The following VRK3 variants were observed in gnomAD, a reference collection of about 807,000 sequenced individuals.
VRK3 encodes the protein VRK serine/threonine kinase 3.
In VRK3, 50 loss-of-function variants were observed where a neutral mutation model predicts 60.4. That is an observed-to-expected ratio of 0.83 (90% CI 0.66 to 1.05). The LOEUF is 1.05. Among genes scored for constraint, VRK3 ranks in the 50% least tolerant of loss-of-function variants. The probability of loss-of-function intolerance (pLI) is 0.00; values close to 1 mark genes in which losing one functional copy is unlikely to be tolerated. For synonymous variants in VRK3, 246 were observed against 227.8 expected (o/e 1.08, Z -0.72); for missense variants, 549 against 585.3 (o/e 0.94, Z 0.64).
rs776843642 is a variant in VRK3, at chr19:49,982,084, G to A, written c.1218-1071C>T. ...ACGGAGATATCTGGGTCAACCACAC[G>A]GAGGAACTGGGAGGAGGTGGAAAAC... On this transcript the variant is annotated intron_variant, in intron 12 of 14. Transcript: ENST00000316763. The A allele has an allele frequency of 5.7e-5, 40 of 701,728 alleles. 2 individuals carry two copies. Among genetic ancestry groups the A allele is most frequent in the South Asian group, 4.6e-4 (31 of 67,482 alleles). The allele number at this position is 701,728 out of a possible 1,614,324, so 43.5% of individuals were successfully genotyped here. A position where few individuals can be genotyped will look rare whatever the true frequency, so the allele number is the denominator to read the frequency against.
At chr19:49,989,127 G>A (rs1380644483) in intron 11 of VRK3, among the ~76,000 whole-genome samples, 2 of 152,166 alleles carry the variant, frequency 1.3e-5, no homozygotes, top group Admixed American at 6.5e-5. Context: ...CTGATGGGAG[G>A]ATGTGGCAGG....
chr19:50,006,211 G>A (rs2076888077), intron 5 of VRK3, among the ~76,000 whole-genome samples: 1 of 151,796 alleles, frequency 6.6e-6, no homozygotes, highest in African/African-American at 2.4e-5. Context: ...TTGAGAGGCT[G>A]AGGCAGGAGA....
At chr19:49,990,853 T>C (rs1004258371) in intron 10 of VRK3, among the ~76,000 whole-genome samples, 22 of 151,960 alleles carry the variant, frequency 1.4e-4, no homozygotes, top group African/African-American at 5.3e-4. Context: ...GGTATGATCA[T>C]GGCTCACTGC....
Position 50,007,625 on chromosome 19 carries a change from C to T in VRK3, c.491G>A (p.Arg164Gln), listed in dbSNP as rs200770678. 2.0e-4 allele frequency: 322 copies of T among 1,614,098 alleles called. No homozygotes were observed. The highest frequency in any genetic ancestry group is 2.6e-4 in the Non-Finnish European group (304 of 1,180,052). ...CTGGAAGGACTTCAGCTTCCACTGT[C>T]GCCCACTCTTGTCTGTCAGCACTGT... The part of the protein sequence containing the change: ...TGTVLTDKSG[R>Q]QWKLKSFQTR... Residue 164 changes from arginine to glutamine, a missense_variant, in exon 5 of 15, where the codon CGA (arginine) becomes CAA (glutamine). Physicochemically the swap from Arg to Gln is conservative, Grantham distance 43 (BLOSUM62 1). Transcript: ENST00000316763.
In VRK3 at chr19:49,994,658, C is replaced by T. The variant is rs115385626; in HGVS notation, c.870+156G>A. On this transcript the variant is annotated intron_variant, in intron 9 of 14. Coordinates refer to ENST00000316763, the MANE Select transcript of VRK3 (RefSeq NM_016440.4). Reference sequence around the variant, plus strand: ...CCACAGGACTGACCACCCATCATCTCGGCTCTAACCGCCTGCCATGGCAGT... The same window carrying T: ...CCACAGGACTGACCACCCATCATCTTGGCTCTAACCGCCTGCCATGGCAGT... Among the ~76,000 whole-genome samples the T allele has an allele frequency of 6.0e-4, 91 of 152,226 alleles. 1 individual carries two copies. Among genetic ancestry groups the T allele is most frequent in the Non-Finnish European group, 1.0e-3 (71 of 68,034 alleles).
At chr19:49,994,556 A>C (rs942402212) in intron 9 of VRK3, among the ~76,000 whole-genome samples, 2 of 152,076 alleles carry the variant, frequency 1.3e-5, no homozygotes, top group African/African-American at 4.8e-5. Flanking sequence ...AACACCCTCC[A>C]CCAGGAAGCC....
At chr19:49,998,924 C>T (rs985066041) in intron 6 of VRK3, 3 of 116,288 alleles carry the variant, frequency 2.6e-5, no homozygotes, top group African/African-American at 6.6e-5. Context: ...ACCTGGGCAA[C>T]ACAGGAAGAC....
intron 12 of VRK3, chr19:49,986,952 A>T (rs561873464): frequency 6.6e-6 from 1 of 152,378 alleles, no homozygotes; most frequent in African/African-American, 2.4e-5. Flanking sequence ...CAGTGGCGAG[A>T]GCTCGGCTCA....
intron 3 of VRK3, chr19:50,015,716 A>G (rs2077064314): frequency 5.5e-6 from 2 of 361,312 alleles, no homozygotes; most frequent in Non-Finnish European, 1.0e-5. Context: ...ATCATTTCGG[A>G]TAAGGGATAC....
At chr19:50,011,066 G>A (rs1251543728) in intron 3 of VRK3, among the ~76,000 whole-genome samples, 5 of 152,146 alleles carry the variant, frequency 3.3e-5, no homozygotes, top group African/African-American at 1.2e-4. Flanking sequence ...ACCCACTGAG[G>A]AGCCCCAGAT....
chr19:50,000,224 T>C (rs1319736314), intron 6 of VRK3: 1 of 153,698 alleles, frequency 6.5e-6, no homozygotes, highest in African/African-American at 2.4e-5. Context: ...AGGCACCTCC[T>C]CTGTGTGGAA....
intron 5 of VRK3, among the ~76,000 whole-genome samples, chr19:50,003,901 G>A (rs2076851129): frequency 6.6e-6 from 1 of 152,226 alleles, no homozygotes; most frequent in Admixed American, 6.5e-5. Flanking sequence ...GGTAGGTGCT[G>A]CTTAAGGATC....
intron 12 of VRK3, among the ~76,000 whole-genome samples, chr19:49,981,464 G>C (rs1456404830): frequency 2.0e-5 from 3 of 152,178 alleles, no homozygotes; most frequent in Admixed American, 1.3e-4. Context: ...AGAATGGCAT[G>C]AATCTGGGAG....
At chr19:49,983,946 T>C (rs1379791949) in intron 12 of VRK3, among the ~76,000 whole-genome samples, 2 of 152,116 alleles carry the variant, frequency 1.3e-5, no homozygotes, top group Non-Finnish European at 2.9e-5. Context: ...TGGCCCTCTA[T>C]GGTTGTGGTC....
Position 49,995,289 on chromosome 19 carries a change from G to A in VRK3, c.680-14C>T. 1.2e-6 allele frequency: 2 copies of A among 1,613,860 alleles called. No homozygotes were observed. The highest frequency in any genetic ancestry group is 1.7e-6 in the Non-Finnish European group (2 of 1,179,840). ...TCCACTTGTTGACTGCGGAAAGCAG[G>A]GGCTTGAGGTTAGAACCCACCCAGT... On this transcript the variant is annotated splice_polypyrimidine_tract_variant and intron_variant, in intron 7 of 14. Coordinates refer to ENST00000316763, the MANE Select transcript of VRK3 (RefSeq NM_016440.4).
intron 7 of VRK3, among the ~76,000 whole-genome samples, chr19:49,996,567 G>A (rs899667940): frequency 3.3e-5 from 5 of 152,096 alleles, no homozygotes; most frequent in Non-Finnish European, 4.4e-5. Flanking sequence ...GAATTTCTGA[G>A]GGTTCATTAC....
At chr19:49,982,269 A>G in intron 12 of VRK3, 2 of 700,286 alleles carry the variant, frequency 2.9e-6, no homozygotes, top group Non-Finnish European at 2.6e-6. Context: ...AAAACACACG[A>G]ATTATTAACC....
At chr19:50,014,592 T>A (rs8100149) in intron 3 of VRK3, among the ~76,000 whole-genome samples, 58,609 of 150,292 alleles carry the variant, frequency 0.39, 12,705 homozygotes, top group East Asian at 0.74. Context: ...CAAAAACAAC[T>A]AAAAACAAAA....
intron 12 of VRK3, among the ~76,000 whole-genome samples, chr19:49,982,909 T>C (rs978960207): frequency 6.6e-6 from 1 of 152,084 alleles, no homozygotes; most frequent in Non-Finnish European, 1.5e-5. Context: ...TCCCACCACC[T>C]GCCCAGTCAC....
Sources: allele counts gnomAD v4.1 joint callset (sites outside exome capture counted in the v4.1 genomes callset), GRCh38; gene constraint gnomAD v4.1.1; transcripts MANE v1.5; gene names NCBI Gene and HGNC (gene_info 2026-07-23, HGNC 2026-07-21).